Variants in ST13 observed in about 807,000 individuals in gnomAD.
ST13 encodes ST13 Hsp70 interacting protein.
Under a neutral mutation model 56.7 loss-of-function variants are expected in ST13, and 23 were observed. That is an observed-to-expected ratio of 0.41 (90% CI 0.29 to 0.57). ST13 has a LOEUF of 0.57. Ranked by LOEUF, ST13 falls within the 20% of genes least tolerant of loss-of-function variation. ST13 has a pLI of 0.36. For synonymous variants in ST13, 132 were observed against 142.4 expected, an observed-to-expected ratio of 0.93 and a Z score of 0.52; for missense variants, 369 against 459.9, an observed-to-expected ratio of 0.80 and a Z score of 1.81.
Position 40,826,805 on chromosome 22 carries a change from A to G in ST13, c.982-139T>C, listed in dbSNP as rs560634473. 1.7e-5 allele frequency: 17 copies of G among 1,027,816 alleles called. No individual in the cohort carries two copies. The African/African-American group carries it at 2.6e-4, about 16-fold the overall frequency. The allele number at this position is 1,027,816 out of a possible 1,614,324, so 63.7% of individuals were successfully genotyped here. Reference sequence around the variant, plus strand: ...TGGGGTTTAGATGAGTGCTTGAAGTATCAAAATCAAGCTGAATTAAGTCAT... The same window carrying G: ...TGGGGTTTAGATGAGTGCTTGAAGTGTCAAAATCAAGCTGAATTAAGTCAT... On this transcript the variant is annotated intron_variant, in intron 11 of 11. Transcript: ENST00000216218.
In ST13 at chr22:40,827,097, T is replaced by A. The variant is rs1299307424; in HGVS notation, c.980A>T (p.Gln327Leu). The change falls in exon 11 of 12, where the codon CAG (glutamine) becomes CTG (leucine). Residue 327 changes from glutamine (Q) to leucine (L), a missense_variant and splice_region_variant. By Grantham distance (113) the Gln-to-Leu change is moderately radical. Around this residue, in one of 3 missense-constraint regions of ST13, gnomAD observed 136 missense variants for 159.2 expected, o/e 0.85. Transcript: ENST00000216218. ...LSDPEVLAAM[Q>L]DPEVMVAFQD... ...CAAAGTTTTTCTTCCAAGTCTTACC[T>A]GCATGGCTGCAAGAACCTCTGGATC... The A allele has an allele frequency of 6.2e-7, 1 of 1,611,706 alleles. No individual in the cohort carries two copies. Among genetic ancestry groups the A allele is most frequent in the Non-Finnish European group, 8.5e-7 (1 of 1,179,700 alleles).
Position 40,856,624 on chromosome 22 carries a change from G to T in ST13, c.-84C>A. 9.0e-7 allele frequency: 1 copy of T among 1,112,298 alleles called. No homozygotes were observed. Among genetic ancestry groups the T allele is most frequent in the Admixed American group, 1.8e-5 (1 of 55,938 alleles). The allele number at this position is 1,112,298 out of a possible 1,614,324, so 68.9% of individuals were successfully genotyped here. A position where few individuals can be genotyped will look rare whatever the true frequency, so the allele number is the denominator to read the frequency against. On this transcript the variant is annotated 5_prime_UTR_variant, in exon 1 of 12. Transcript: ENST00000216218. ...TGGCTCGGCGTGACCGCGCAGAAGG[G>T]GGCGGCTGCCGCAAGACAGAACAGA...
At chr22:40,851,743 G>C (rs1569005955) in intron 1 of ST13, among the ~76,000 whole-genome samples, 1 of 151,458 alleles carries the variant, frequency 6.6e-6, no homozygotes, top group Admixed American at 6.6e-5. Context: ...AAAACAGAAA[G>C]GGTTCTTTTT....
intron 10 of ST13, among the ~76,000 whole-genome samples, chr22:40,827,648 A>G (rs1225181231): frequency 6.6e-6 from 1 of 151,462 alleles, no homozygotes; most frequent in African/African-American, 2.4e-5. Context: ...TAATTTTTAT[A>G]TTTTTATAAA....
intron 1 of ST13, among the ~76,000 whole-genome samples, chr22:40,855,499 A>G (rs1227332499): frequency 6.6e-6 from 1 of 152,224 alleles, no homozygotes; most frequent in African/African-American, 2.4e-5. Context: ...AGGAGTCGCA[A>G]TGGTCTGCAT....
chr22:40,829,799 G>T, intron 9 of ST13, 125 bp from the exon 10 acceptor site: 1 of 436,430 alleles, frequency 2.3e-6, no homozygotes, highest in Non-Finnish European at 4.0e-6. Flanking sequence ...CTGAACTGAA[G>T]GATATACTTC....
intron 1 of ST13, among the ~76,000 whole-genome samples, chr22:40,851,549 T>C (rs967340225): frequency 1.3e-5 from 2 of 152,150 alleles, no homozygotes; most frequent in African/African-American, 4.8e-5. Flanking sequence ...TAGCGTTACA[T>C]GCTCCATTTG....
intron 5 of ST13, among the ~76,000 whole-genome samples, chr22:40,837,405 C>T (rs757003213): frequency 5.3e-5 from 8 of 152,090 alleles, no homozygotes; most frequent in East Asian, 1.9e-4. Flanking sequence ...CACCTGAGGT[C>T]GGGAGTTCAA....
rs1415687106 is a variant in ST13, at chr22:40,827,106, G to A, written c.971C>T (p.Ala324Val). 6.2e-7 allele frequency: 1 copy of A among 1,611,550 alleles called. No homozygotes were observed. Among genetic ancestry groups the A allele is most frequent in the Non-Finnish European group, 8.5e-7 (1 of 1,179,734 alleles). The change falls in exon 11 of 12, where the codon GCA (alanine) becomes GTA (valine). Residue 324 changes from alanine (A) to valine (V), a missense_variant. Around this residue, in one of 3 missense-constraint regions of ST13, gnomAD observed 136 missense variants for 159.2 expected, o/e 0.85. Coordinates refer to ENST00000216218, the MANE Select transcript of ST13 (RefSeq NM_003932.5). ...NEILSDPEVL[A>V]AMQDPEVMVA... ...TCTTCCAAGTCTTACCTGCATGGCTGCAAGAACCTCTGGATCACTAAGAAT... is the reference window on the plus strand; with the variant it reads ...TCTTCCAAGTCTTACCTGCATGGCTACAAGAACCTCTGGATCACTAAGAAT...
chr22:40,847,159 C>T (rs1889870901), intron 3 of ST13, among the ~76,000 whole-genome samples: 1 of 152,286 alleles, frequency 6.6e-6, no homozygotes, highest in Admixed American at 6.5e-5. Flanking sequence ...CAGATAACTA[C>T]TCTTCTAAAT....
intron 3 of ST13, among the ~76,000 whole-genome samples, chr22:40,846,997 C>A (rs2057834986): frequency 6.6e-6 from 1 of 150,770 alleles, no homozygotes; most frequent in Non-Finnish European, 1.5e-5. Flanking sequence ...TCAAGTCTTC[C>A]AAAAAAACCC....
At chr22:40,837,154 T>C (rs887750764) in intron 5 of ST13, among the ~76,000 whole-genome samples, 3 of 152,204 alleles carry the variant, frequency 2.0e-5, no homozygotes, top group Admixed American at 6.5e-5. Flanking sequence ...TGAAAGATAC[T>C]TAGCCAGTTA....
intron 7 of ST13, among the ~76,000 whole-genome samples, chr22:40,834,075 G>C (rs1170530540): frequency 2.0e-5 from 3 of 152,106 alleles, no homozygotes; most frequent in African/African-American, 7.2e-5. Flanking sequence ...CCAGGAGTTT[G>C]AGAATAGCCT....
At chr22:40,834,039 G>A (rs1426909169) in intron 7 of ST13, among the ~76,000 whole-genome samples, 2 of 152,174 alleles carry the variant, frequency 1.3e-5, no homozygotes, top group African/African-American at 4.8e-5. Flanking sequence ...TGCTTTGGGA[G>A]GGGAAGGAGG....
chr22:40,834,721 G>A (rs981112754), intron 7 of ST13, among the ~76,000 whole-genome samples: 6 of 152,302 alleles, frequency 3.9e-5, no homozygotes, highest in Middle Eastern at 6.8e-3. Context: ...ATGAGCCAAC[G>A]CTGTCTTGTA....
chr22:40,830,719 TTACTC>T (rs780835528), intron 9 of ST13, 116 bp downstream of exon 9: 92 of 531,632 alleles, frequency 1.7e-4, no homozygotes, highest in Non-Finnish European at 2.5e-4. Flanking sequence ...AGTAATATCA[TTACTC>T]TATAGAACTG....
At chr22:40,849,785 T>C (rs981806615) in intron 2 of ST13, among the ~76,000 whole-genome samples, 19 of 152,196 alleles carry the variant, frequency 1.2e-4, no homozygotes, top group African/African-American at 4.6e-4. Flanking sequence ...TTGCTTACCT[T>C]TTCGCATTCT....
chr22:40,832,802 C>T (rs1463236331), intron 7 of ST13, 131 bp from the exon 8 acceptor site: 1 of 658,556 alleles, frequency 1.5e-6, no homozygotes, highest in Non-Finnish European at 2.6e-6. Flanking sequence ...TAAACTTTCA[C>T]TAACCAATTC....
intron 3 of ST13, among the ~76,000 whole-genome samples, chr22:40,847,528 GAC>G (rs1346849454): frequency 8.4e-5 from 12 of 142,250 alleles, no homozygotes; most frequent in African/African-American, 3.1e-4. Context: ...CAGCCTGGGC[GAC>G]ACAGTGAGAC....
Sources: allele counts gnomAD v4.1 joint callset (sites outside exome capture counted in the v4.1 genomes callset), GRCh38; gene constraint gnomAD v4.1.1; regional missense constraint gnomAD v4.1.1; transcripts MANE v1.5; gene names NCBI Gene and HGNC (gene_info 2026-07-23, HGNC 2026-07-21).